NPAT: variants seen among roughly 807,000 people sequenced by gnomAD.
NPAT encodes the protein protein NPAT.
NPAT carries 52 observed loss-of-function variants against 130.7 expected under a neutral mutation model. That is an observed-to-expected ratio of 0.40 (90% CI 0.32 to 0.50). The LOEUF (loss-of-function observed/expected upper bound fraction) is 0.50. Among genes scored for constraint, NPAT ranks in the 20% least tolerant of loss-of-function variants. The probability of loss-of-function intolerance (pLI) is 0.68; values close to 1 mark genes in which losing one functional copy is unlikely to be tolerated. For missense variants in NPAT, 1,687 were observed against 1,662.6 expected (o/e 1.01, Z -0.26); for synonymous variants, 580 against 584.8 (o/e 0.99, Z 0.12).
chr11:108,172,536 T>A lies in NPAT; in HGVS notation c.2448A>T (p.Thr816=). Residue 816 remains threonine (T), a synonymous_variant, in exon 13 of 18, where the codon ACA becomes ACT. Transcript: ENST00000278612. The stretch of plus-strand genomic sequence containing the variant: ...TTACTGCAGAGTCTTCAGATTTGAA[T>A]GTTAAAAGACTCTGTTCCATTGAGG... The part of the protein sequence containing the change: ...DSASMEQSLL[T]FKSEDSAVNN... 6.2e-7 allele frequency: 1 copy of A among 1,614,224 alleles called. No individual in the cohort carries two copies. Among genetic ancestry groups the A allele is most frequent in the Non-Finnish European group, 8.5e-7 (1 of 1,180,028 alleles).
rs1197890994 is a variant in NPAT, at chr11:108,189,110, T to C, written c.552A>G (p.Val184=). ...VVNHSQSQDT[V]TTGEALNVIP... is the part of the protein sequence containing the mutation. Reference sequence around the variant, plus strand: ...GAGAACAAAATGTAAACTTACTGGTTACAGTATCTTGTGACTGTGAGTGGT... The same window carrying C: ...GAGAACAAAATGTAAACTTACTGGTCACAGTATCTTGTGACTGTGAGTGGT... The change falls in exon 6 of 18, where the codon GTA becomes GTG. Residue 184 remains valine (V), a synonymous_variant. Transcript: ENST00000278612. 1.9e-6 allele frequency: 3 copies of C among 1,611,156 alleles called. No individual in the cohort carries two copies. Among genetic ancestry groups the C allele is most frequent in the Admixed American group, 3.3e-5 (2 of 60,006 alleles).
At chr11:108,211,507 C>A (rs979785742) in intron 1 of NPAT, among the ~76,000 whole-genome samples, 24 of 149,658 alleles carry the variant, frequency 1.6e-4, no homozygotes, top group Admixed American at 7.3e-4. Context: ...TGGGCCACTG[C>A]ACTCCAGAAT....
chr11:108,215,621 G>T (rs969229155), intron 1 of NPAT, among the ~76,000 whole-genome samples: 2 of 152,200 alleles, frequency 1.3e-5, no homozygotes, highest in Non-Finnish European at 2.9e-5. Flanking sequence ...TCCAACAGGT[G>T]AAAAACCTAA....
At chr11:108,220,304 T>C (rs12282185) in intron 1 of NPAT, among the ~76,000 whole-genome samples, 3,288 of 152,246 alleles carry the variant, frequency 0.022, 121 homozygotes, top group African/African-American at 0.075. Flanking sequence ...AGCAACTAAG[T>C]GGAATTCATT....
chr11:108,172,620 T>A lies in NPAT; in HGVS notation c.2364A>T (p.Lys788Asn), dbSNP rs769435343. ...KSPTKNAELV[K>N]CLSSEETVGA... ...CTACAGTTTCTTCTGAAGATAGGCA[T>A]TTAACTAGTTCTGCATTTTTAGTAG... Residue 788 changes from lysine (K) to asparagine (N), a missense_variant, in exon 13 of 18, where the codon AAA becomes AAT. Physicochemically the swap from Lys to Asn is moderately conservative, Grantham distance 94. Transcript: ENST00000278612. 2 of 1,614,198 alleles carry A rather than the reference T, an allele frequency of 1.2e-6. No individual in the cohort carries two copies. Among genetic ancestry groups the A allele is most frequent in the East Asian group, 4.5e-5 (2 of 44,882 alleles).
chr11:108,170,040 G>A lies in NPAT; in HGVS notation c.2789C>T (p.Ser930Phe). Residue 930 changes from serine to phenylalanine, a missense_variant, in exon 14 of 18, where the codon TCT becomes TTT. By Grantham distance (155) the Ser-to-Phe change is radical. This residue lies in a region of NPAT where 1,379 missense variants were observed against 1,346.6 expected (regional missense o/e 1.02). Transcript: ENST00000278612. ...GACTGGAGAGGCAATTATTATGGCAGATCCTAAAAAAACAATTCTTGTTAA... is the reference window on the plus strand; with the variant it reads ...GACTGGAGAGGCAATTATTATGGCAAATCCTAAAAAAACAATTCTTGTTAA... Reference protein sequence around the residue: ...QAVSPNFSQGSAIIIASPVQP... With the variant: ...QAVSPNFSQGFAIIIASPVQP... The A allele has an allele frequency of 6.3e-7, 1 of 1,595,300 alleles. No homozygotes were observed.
intron 15 of NPAT, among the ~76,000 whole-genome samples, chr11:108,164,595 A>C (rs949197972): frequency 1.3e-5 from 2 of 152,226 alleles, no homozygotes; most frequent in Non-Finnish European, 2.9e-5. Flanking sequence ...GGGTATATGG[A>C]AACAAGTGTG....
At position 108,214,363 on chromosome 11, in the gene NPAT, T is replaced by A. The variant is rs530309917; in HGVS notation, c.37+8137A>T. 3.4e-4 allele frequency among the ~76,000 whole-genome samples: 52 copies of A among 152,310 alleles called. 1 individual carries two copies. In the South Asian group the frequency reaches 0.011, roughly 31 times the overall value. On this transcript the variant is annotated intron_variant, in intron 1 of 17. Transcript: ENST00000278612. ...AAAGTCAGACACAAAAAGCGAAATATTCTATTTCATTTATGTGCAATGTCC... is the reference window on the plus strand; with the variant it reads ...AAAGTCAGACACAAAAAGCGAAATAATCTATTTCATTTATGTGCAATGTCC...
In NPAT at chr11:108,186,566, T is replaced by A; in HGVS notation, c.642A>T (p.Glu214Asp). 6.2e-7 allele frequency: 1 copy of A among 1,612,970 alleles called. No homozygotes were observed. Among genetic ancestry groups the A allele is most frequent in the Non-Finnish European group, 8.5e-7 (1 of 1,179,032 alleles). ...ACAAAGTGGTACTTTTTCTCTGAGA[T>A]TCACTGAAACACATTTTAAAAGCTT... ...SLMSPGRRKS[E>D]SQRKSTTLSG... The change falls in exon 8 of 18, where the codon GAA becomes GAT. Residue 214 changes from glutamate to aspartate, a missense_variant. Transcript: ENST00000278612.
chr11:108,214,226 T>C (rs1048087954), intron 1 of NPAT, among the ~76,000 whole-genome samples: 1 of 152,040 alleles, frequency 6.6e-6, no homozygotes, highest in Admixed American at 6.6e-5. Flanking sequence ...CATTAATGAA[T>C]GGACAAACAA....
intron 10 of NPAT, among the ~76,000 whole-genome samples, chr11:108,178,556 TA>T (rs1455912213): frequency 3.3e-5 from 5 of 152,180 alleles, no homozygotes; most frequent in Non-Finnish European, 5.9e-5. Context: ...AAAACTACCT[TA>T]AAATTCCTAT....
intron 1 of NPAT, among the ~76,000 whole-genome samples, chr11:108,215,420 G>T (rs1454779158): frequency 6.6e-6 from 1 of 152,052 alleles, no homozygotes; most frequent in Admixed American, 6.6e-5. Flanking sequence ...AATAACTAAT[G>T]GGTTCTAGGC....
rs753469498 is a variant in NPAT, at chr11:108,222,512, G to T, written c.25C>A (p.Arg9=). The change falls in exon 1 of 18, where the codon CGG becomes AGG. Residue 9 remains arginine (R), a synonymous_variant. Coordinates refer to ENST00000278612, the MANE Select transcript of NPAT (RefSeq NM_002519.3). MLLPSDVA[R]LVLGYLQQEN... is the part of the protein sequence containing the mutation. ...CGTCCGCGCTTACCCAATACAAGCC[G>T]GGCTACGTCCGAGGGTAACAACATG... is the stretch of plus-strand genomic sequence containing the variant. 14 of 1,613,838 alleles carry T rather than the reference G, an allele frequency of 8.7e-6. No individual in the cohort carries two copies. The highest frequency in any genetic ancestry group is 3.3e-4 in the Middle Eastern group (2 of 6,062).
At chr11:108,212,777 T>TGGTG (rs1219592491) in intron 1 of NPAT, among the ~76,000 whole-genome samples, 1 of 145,786 alleles carries the variant, frequency 6.9e-6, no homozygotes, top group South Asian at 2.2e-4. Context: ...AAACCCCGTC[T>TGGTG]CTACTAAAAA....
intron 15 of NPAT, among the ~76,000 whole-genome samples, chr11:108,165,795 G>A (rs2077897117): frequency 6.6e-6 from 1 of 151,786 alleles, no homozygotes; most frequent in Non-Finnish European, 1.5e-5. Flanking sequence ...CACCACGCCT[G>A]GCTAATTTTT....
At chr11:108,216,704 T>C (rs1377062788) in intron 1 of NPAT, among the ~76,000 whole-genome samples, 1 of 152,184 alleles carries the variant, frequency 6.6e-6, no homozygotes, top group African/African-American at 2.4e-5. Flanking sequence ...TATACCTCTG[T>C]ATAGCACACA....
Position 108,162,026 on chromosome 11 carries a change from CA to C in NPAT, c.3072-13del. 1.9e-6 allele frequency: 3 copies of C among 1,610,864 alleles called. No homozygotes were observed. The highest frequency in any genetic ancestry group is 2.5e-6 in the Non-Finnish European group (3 of 1,178,992). ...CAGAAACTTCAGTTCTAAAACAAAA[CA>C]AAACAAAACTATTTCTAGCAGCATA... On this transcript the variant is annotated splice_polypyrimidine_tract_variant and intron_variant, in intron 16 of 17. Transcript: ENST00000278612.
At chr11:108,176,950 G>T (rs1275404040) in intron 11 of NPAT, 44 bp downstream of exon 11, 11 of 1,287,724 alleles carry the variant, frequency 8.5e-6, no homozygotes, top group Non-Finnish European at 1.2e-5. Flanking sequence ...CAAAGAAATT[G>T]TAGAAGCCTT....
At chr11:108,218,101 C>T (rs182578380) in intron 1 of NPAT, among the ~76,000 whole-genome samples, 56 of 152,190 alleles carry the variant, frequency 3.7e-4, no homozygotes, top group Admixed American at 3.2e-3. Flanking sequence ...CTGTTTTTTC[C>T]TTTTATTCCT....
Sources: gnomAD v4.1 joint callset for allele counts (sites outside exome capture counted in the v4.1 genomes callset) on GRCh38, gnomAD v4.1.1 for gene constraint, gnomAD v4.1.1 regional missense constraint, MANE v1.5 for transcripts, NCBI Gene and HGNC (gene_info 2026-07-23, HGNC 2026-07-21) for gene names.